Variants in PRKAR2B observed in about 807,000 individuals in gnomAD.
The protein encoded by PRKAR2B is cAMP-dependent protein kinase type II-beta regulatory subunit.
A neutral mutation model predicts 49.9 loss-of-function variants in PRKAR2B; 14 were observed. The observed-to-expected ratio is 0.28, with a 90% confidence interval of 0.19 to 0.44. The LOEUF is 0.44. Ranked by LOEUF, PRKAR2B falls within the 20% of genes least tolerant of loss-of-function variation. The probability of loss-of-function intolerance (pLI) is 1.00; values close to 1 mark genes in which losing one functional copy is unlikely to be tolerated. For missense variants in PRKAR2B, 393 were observed against 537.9 expected (o/e 0.73, Z 2.67); for synonymous variants, 196 against 197.7 (o/e 0.99, Z 0.07).
At chr7:107,131,266 AT>A in intron 4 of PRKAR2B, among the ~76,000 whole-genome samples, 1 of 152,358 alleles carries the variant, frequency 6.6e-6, no homozygotes, top group East Asian at 1.9e-4. Flanking sequence ...ATCGTTGCTA[AT>A]TATGCTTTCC....
chr7:107,044,947 C>T lies in PRKAR2B; in HGVS notation c.40C>T (p.Gln14Ter). The change falls in exon 1 of 11, where the codon CAG (glutamine) becomes TAG (stop). Residue 14 changes from glutamine to a stop codon, truncating the protein, a stop_gained. Coordinates refer to ENST00000265717, the MANE Select transcript of PRKAR2B (RefSeq NM_002736.3). LOFTEE classifies it high-confidence loss of function. ...EIPAGLTELL[Q>*]GFTVEVLRHQ... ...CCCGGCGGGACTGACGGAGCTGCTG[C>T]AGGGCTTCACGGTGGAGGTGCTGAG... 6.3e-7 allele frequency: 1 copy of T among 1,598,438 alleles called. No homozygotes were observed. The highest frequency in any genetic ancestry group is 8.5e-7 in the Non-Finnish European group (1 of 1,174,796).
intron 4 of PRKAR2B, among the ~76,000 whole-genome samples, chr7:107,130,513 T>A (rs1469925209): frequency 1.3e-5 from 2 of 151,514 alleles, no homozygotes; most frequent in African/African-American, 2.4e-5. Flanking sequence ...TCAAAAAAAA[T>A]AAAAATAAAA....
chr7:107,049,052 AGG>A (rs1331780094), intron 1 of PRKAR2B, among the ~76,000 whole-genome samples: 40 of 152,352 alleles, frequency 2.6e-4, no homozygotes, highest in African/African-American at 8.9e-4. Context: ...ATTTCTTAGA[AGG>A]TTTACGGTAG....
At chr7:107,101,079 A>G (rs1794953278) in intron 2 of PRKAR2B, among the ~76,000 whole-genome samples, 1 of 146,678 alleles carries the variant, frequency 6.8e-6, no homozygotes, top group Non-Finnish European at 1.5e-5. Flanking sequence ...GACATTTTAG[A>G]TTATACATTG....
Position 107,157,046 on chromosome 7 carries a change from A to G in PRKAR2B, c.981A>G (p.Arg327=). The G allele has an allele frequency of 1.2e-6, 2 of 1,611,084 alleles. No homozygotes were observed. The highest frequency in any genetic ancestry group is 1.7e-6 in the Non-Finnish European group (2 of 1,177,240). ...GAGAAGTGAAAATTACTATGAAAAG[A>G]AAGGTAAGCATTCTAAGTCCTCAGA... ...ESGEVKITMK[R]KGKSEVEENG... The change falls in exon 9 of 11, where the codon AGA becomes AGG. Residue 327 remains arginine (R), a synonymous_variant. Transcript: ENST00000265717.
intron 2 of PRKAR2B, among the ~76,000 whole-genome samples, chr7:107,120,038 T>C (rs1407983758): frequency 5.3e-5 from 8 of 152,184 alleles, no homozygotes; most frequent in African/African-American, 1.4e-4. Flanking sequence ...TACTAGGATG[T>C]ATGTATGATC....
At chr7:107,132,319 T>C (rs1380782740) in intron 4 of PRKAR2B, among the ~76,000 whole-genome samples, 1 of 152,246 alleles carries the variant, frequency 6.6e-6, no homozygotes, top group Non-Finnish European at 1.5e-5. Context: ...TCGAATGCTA[T>C]GCTGTGGCAC....
At chr7:107,136,828 A>C (rs980288093) in intron 4 of PRKAR2B, among the ~76,000 whole-genome samples, 1 of 152,228 alleles carries the variant, frequency 6.6e-6, no homozygotes, top group African/African-American at 2.4e-5. Context: ...AAAGGAGTTG[A>C]AAACTTAGGT....
chr7:107,062,611 T>C (rs1794046821), intron 1 of PRKAR2B, among the ~76,000 whole-genome samples: 1 of 152,210 alleles, frequency 6.6e-6, no homozygotes, highest in South Asian at 2.1e-4. Context: ...TTGAAAATGT[T>C]TTATATCTTG....
chr7:107,073,959 G>A (rs1422924373), intron 2 of PRKAR2B, among the ~76,000 whole-genome samples: 1 of 152,078 alleles, frequency 6.6e-6, no homozygotes, highest in Non-Finnish European at 1.5e-5. Context: ...TTACTCGGGA[G>A]GCTGAGGCAG....
intron 7 of PRKAR2B, among the ~76,000 whole-genome samples, chr7:107,151,825 T>G (rs1473992208): frequency 1.3e-5 from 2 of 152,190 alleles, no homozygotes; most frequent in Non-Finnish European, 2.9e-5. Flanking sequence ...AACTCAAAAT[T>G]AGAAGTATAG....
chr7:107,123,430 A>G (rs1795423971), intron 3 of PRKAR2B, among the ~76,000 whole-genome samples: 1 of 152,212 alleles, frequency 6.6e-6, no homozygotes, highest in Non-Finnish European at 1.5e-5. Context: ...AAAAGAAAAC[A>G]CTGGGGAGAG....
At chr7:107,057,104 C>G (rs1793931952) in intron 1 of PRKAR2B, among the ~76,000 whole-genome samples, 1 of 152,180 alleles carries the variant, frequency 6.6e-6, no homozygotes, top group South Asian at 2.1e-4. Context: ...ATTCCTGCCA[C>G]TCTGCAAGGC....
rs28546089 is a variant in PRKAR2B at position 107,045,364 on chromosome 7, A to T, written c.307+150A>T. The T allele has an allele frequency of 1.2e-3, 769 of 668,530 alleles. 4 individuals are homozygous for T. The African/African-American group carries it at 0.013, about 11-fold the overall frequency. 41.4% of individuals were successfully genotyped at this position (668,530 alleles called of 1,614,324 possible). On this transcript the variant is annotated intron_variant, in intron 1 of 10. Transcript: ENST00000265717. The stretch of plus-strand genomic sequence containing the variant: ...ACCTTCCCATCTCGCCCACCCCCTC[A>T]GCATCCATTTCTGTCTCTCCCACTC...
At chr7:107,093,512 CTTT>C (rs58693908) in intron 2 of PRKAR2B, among the ~76,000 whole-genome samples, 1 of 146,260 alleles carries the variant, frequency 6.8e-6, no homozygotes. Context: ...ACTTTTTTTT[CTTT>C]TTTTTTTTTA....
intron 4 of PRKAR2B, among the ~76,000 whole-genome samples, chr7:107,134,356 A>G (rs1005110247): frequency 2.0e-5 from 3 of 152,146 alleles, no homozygotes; most frequent in Non-Finnish European, 4.4e-5. Context: ...ATTTAACAAT[A>G]TATTAGTATT....
chr7:107,073,596 A>G (rs1794329040), intron 2 of PRKAR2B, among the ~76,000 whole-genome samples: 1 of 152,208 alleles, frequency 6.6e-6, no homozygotes, highest in Non-Finnish European at 1.5e-5. Context: ...AAACTGTCAG[A>G]TGTCTTCTGA....
At chr7:107,106,582 C>T (rs558608826) in intron 2 of PRKAR2B, among the ~76,000 whole-genome samples, 23 of 152,298 alleles carry the variant, frequency 1.5e-4, no homozygotes, top group African/African-American at 5.3e-4. Flanking sequence ...GTGGACTCTC[C>T]CTCCATCTCC....
chr7:107,151,034 G>GT lies in PRKAR2B; in HGVS notation c.843+14dup. The GT allele has an allele frequency of 7.1e-7, 1 of 1,416,678 alleles. No homozygotes were observed. The highest frequency in any genetic ancestry group is 9.6e-7 in the Non-Finnish European group (1 of 1,046,790). 87.8% of individuals were successfully genotyped at this position (1,416,678 alleles called of 1,614,324 possible). A position where few individuals can be genotyped will look rare whatever the true frequency, so the allele number is the denominator to read the frequency against. On this transcript the variant is annotated intron_variant, in intron 7 of 10. Coordinates refer to ENST00000265717, the MANE Select transcript of PRKAR2B (RefSeq NM_002736.3). ...CTTAAATCTTTGGAGGTAAGTATAT[G>GT]TTTATGCTTTTATTTTATTTTGCTT...
Sources: allele counts gnomAD v4.1 joint callset (sites outside exome capture counted in the v4.1 genomes callset), GRCh38; gene constraint gnomAD v4.1.1; transcripts MANE v1.5; gene names NCBI Gene and HGNC (gene_info 2026-07-23, HGNC 2026-07-21).